Variants in RAPGEF4 observed in about 807,000 individuals in gnomAD.
RAPGEF4 encodes Rap guanine nucleotide exchange factor 4, also known as RAP guanine-nucleotide-exchange factor (GEF) 4.
In RAPGEF4, 66 loss-of-function variants were observed where a neutral mutation model predicts 147.9. The observed-to-expected ratio is 0.45, with a 90% CI of 0.37 to 0.55. RAPGEF4 has a LOEUF of 0.55. RAPGEF4 is among the 20% of genes least tolerant of loss of function. The pLI, the probability that RAPGEF4 is intolerant of heterozygous loss-of-function variation, is 0.00. For synonymous variants in RAPGEF4, 419 were observed against 442.7 expected, an observed-to-expected ratio of 0.95 and a Z score of 0.67; for missense variants, 1,071 against 1,257.3, an observed-to-expected ratio of 0.85 and a Z score of 2.24.
chr2:172,860,163 T>C lies in RAPGEF4; in HGVS notation c.444+45738T>C, dbSNP rs1185304340. On this transcript the variant is annotated intron_variant, in intron 4 of 30. Coordinates refer to ENST00000397081, the MANE Select transcript of RAPGEF4 (RefSeq NM_007023.4). ...AATCAGTCCAGCTCTCATACATCAC[T>C]AAGGGAGAAGCTGATTGCAACTTGA... 4.1e-6 allele frequency: 4 copies of C among 966,888 alleles called. No homozygotes were observed. In the East Asian group the frequency reaches 5.0e-4, roughly 120 times the overall value. 59.9% of individuals were successfully genotyped at this position (966,888 alleles called of 1,614,324 possible).
At chr2:172,825,417 C>T (rs1363330426) in intron 4 of RAPGEF4, among the ~76,000 whole-genome samples, 3 of 152,208 alleles carry the variant, frequency 2.0e-5, no homozygotes, top group Non-Finnish European at 4.4e-5. Flanking sequence ...GTTGACCCAT[C>T]ATAAGTTAGT....
chr2:173,005,992 C>T (rs1036570305), intron 17 of RAPGEF4, among the ~76,000 whole-genome samples: 1 of 152,068 alleles, frequency 6.6e-6, no homozygotes, highest in Non-Finnish European at 1.5e-5. Flanking sequence ...TCTAGCCACT[C>T]GTAGTAATTA....
At chr2:173,041,361 A>G (rs1684738284) in intron 29 of RAPGEF4, among the ~76,000 whole-genome samples, 1 of 152,216 alleles carries the variant, frequency 6.6e-6, no homozygotes. Flanking sequence ...TTGAGAGTTT[A>G]CATCTTTGTA....
At chr2:172,952,612 G>A (rs2592941) in intron 6 of RAPGEF4, among the ~76,000 whole-genome samples, 75,044 of 151,938 alleles carry the variant, frequency 0.49, 18,758 homozygotes, top group Non-Finnish European at 0.52. Flanking sequence ...ATCTAGGCTC[G>A]ATCAAGCCAA....
intron 4 of RAPGEF4, among the ~76,000 whole-genome samples, chr2:172,864,962 C>T (rs946690743): frequency 6.6e-6 from 1 of 152,174 alleles, no homozygotes; most frequent in Non-Finnish European, 1.5e-5. Context: ...TCCTGTGCTT[C>T]GGACATTGTC....
intron 25 of RAPGEF4, among the ~76,000 whole-genome samples, chr2:173,029,489 C>T (rs1696983136): frequency 6.6e-6 from 1 of 152,164 alleles, no homozygotes; most frequent in African/African-American, 2.4e-5. Context: ...TTCCACATGT[C>T]TCATTCCCAA....
intron 1 of RAPGEF4, among the ~76,000 whole-genome samples, chr2:172,772,987 C>T (rs772040578): frequency 1.3e-5 from 2 of 152,170 alleles, no homozygotes; most frequent in Non-Finnish European, 2.9e-5. Context: ...TTGATTAAAA[C>T]TCATTAGGTC....
chr2:172,847,389 G>T (rs2149722575), intron 4 of RAPGEF4, among the ~76,000 whole-genome samples: 1 of 152,298 alleles, frequency 6.6e-6, no homozygotes, highest in South Asian at 2.1e-4. Flanking sequence ...GCCAGAGATG[G>T]TGACAGCATG....
chr2:172,902,209 C>T (rs188332183), intron 4 of RAPGEF4, among the ~76,000 whole-genome samples: 243 of 152,104 alleles, frequency 1.6e-3, no homozygotes, highest in African/African-American at 5.5e-3. Flanking sequence ...AAGGCAGAGG[C>T]CAGGTTGTGT....
intron 4 of RAPGEF4, among the ~76,000 whole-genome samples, chr2:172,858,396 G>T (rs1693678307): frequency 6.6e-6 from 1 of 152,182 alleles, no homozygotes; most frequent in Admixed American, 6.5e-5. Context: ...CAAACTGAAG[G>T]AGAAGGCCTG....
rs748261421 is a variant in RAPGEF4, at chr2:172,917,481, G to A, written c.445-321G>A. ...GTGCCTTTTCCCTCTACAAAAAGCT[G>A]AGCTTGTGTTTGTGGGGTTGGGGAG... is the stretch of plus-strand genomic sequence containing the variant. On this transcript the variant is annotated intron_variant, in intron 4 of 30. Transcript: ENST00000397081. 2.7e-4 allele frequency: 164 copies of A among 614,928 alleles called. 2 individuals carry two copies. The highest frequency in any genetic ancestry group is 2.4e-3 in the South Asian group (163 of 69,346). 38.1% of individuals were successfully genotyped at this position (614,928 alleles called of 1,614,324 possible).
intron 4 of RAPGEF4, among the ~76,000 whole-genome samples, chr2:172,857,089 C>G (rs1198245985): frequency 6.6e-6 from 1 of 151,630 alleles, no homozygotes; most frequent in Non-Finnish European, 1.5e-5. Flanking sequence ...GGAGAGCTGG[C>G]CTGAATTGAA....
At chr2:172,860,468 C>G (rs899362009) in intron 4 of RAPGEF4, among the ~76,000 whole-genome samples, 2 of 151,648 alleles carry the variant, frequency 1.3e-5, no homozygotes, top group Non-Finnish European at 2.9e-5. Context: ...TAACAGAGAA[C>G]AGTTTAACCC....
At chr2:172,784,965 A>G in intron 1 of RAPGEF4, among the ~76,000 whole-genome samples, 1 of 152,030 alleles carries the variant, frequency 6.6e-6, no homozygotes, top group East Asian at 1.9e-4. Context: ...AGCTGGGATT[A>G]CAGGCATGTG....
chr2:173,018,859 G>C, intron 22 of RAPGEF4, 57 bp downstream of exon 22: 2 of 1,581,594 alleles, frequency 1.3e-6, no homozygotes, highest in Non-Finnish European at 1.7e-6. Context: ...CATCCAAGCA[G>C]AAACTATGTA....
chr2:172,984,435 C>T (rs971502156), intron 11 of RAPGEF4, among the ~76,000 whole-genome samples: 1 of 152,190 alleles, frequency 6.6e-6, no homozygotes, highest in African/African-American at 2.4e-5. Flanking sequence ...TTTGCCATAG[C>T]TCCAAGCAAG....
At chr2:172,802,678 CTT>C (rs1229494127) in intron 3 of RAPGEF4, among the ~76,000 whole-genome samples, 1 of 152,218 alleles carries the variant, frequency 6.6e-6, no homozygotes, top group Non-Finnish European at 1.5e-5. Context: ...CTCCCAAAGT[CTT>C]AATTCATTTC....
chr2:173,025,816 C>T (rs1696607663), intron 23 of RAPGEF4, among the ~76,000 whole-genome samples: 1 of 152,214 alleles, frequency 6.6e-6, no homozygotes, highest in South Asian at 2.1e-4. Context: ...TATACGTGTG[C>T]TTCCTATATA....
chr2:172,944,775 C>T (rs937744563), intron 6 of RAPGEF4, among the ~76,000 whole-genome samples: 2 of 151,636 alleles, frequency 1.3e-5, no homozygotes, highest in Non-Finnish European at 2.9e-5. Flanking sequence ...GTCGTACTTC[C>T]AAAAAAAATT....
Sources: gnomAD v4.1 joint callset for allele counts (sites outside exome capture counted in the v4.1 genomes callset) on GRCh38, gnomAD v4.1.1 for gene constraint, MANE v1.5 for transcripts, NCBI Gene and HGNC (gene_info 2026-07-23, HGNC 2026-07-21) for gene names.